Variants in GPHN observed in about 807,000 individuals in gnomAD.
GPHN encodes gephyrin.
Under a neutral mutation model 95.5 loss-of-function variants are expected in GPHN, and 17 were observed. The ratio of observed to expected loss-of-function variants is 0.18; its 90% confidence interval spans 0.12 to 0.27. GPHN has a LOEUF of 0.27. GPHN is among the 10% of genes least tolerant of loss of function. The pLI, the probability that GPHN is intolerant of heterozygous loss-of-function variation, is 1.00. For synonymous variants in GPHN, 320 were observed against 322.5 expected (o/e 0.99, Z 0.08); for missense variants, 660 against 978.1 (o/e 0.67, Z 4.34).
chr14:66,799,747 GT>G (rs1226641128), intron 3 of GPHN, among the ~76,000 whole-genome samples: 17 of 151,810 alleles, frequency 1.1e-4, no homozygotes, highest in African/African-American at 3.9e-4. Context: ...AATAGGTCTT[GT>G]TTTTCCATCC....
intron 2 of GPHN, among the ~76,000 whole-genome samples, chr14:66,765,521 A>C (rs1390728428): frequency 6.6e-6 from 1 of 152,144 alleles, no homozygotes; most frequent in Non-Finnish European, 1.5e-5. Context: ...GGAACAGAAA[A>C]CCAAATGCCG....
At chr14:67,201,689 C>T in the GPHN span, 10 of 365,778 alleles carry the variant, frequency 2.7e-5, no homozygotes, top group Non-Finnish European at 4.9e-5. Flanking sequence ...CATCCCTGAG[C>T]CATGATATTG....
the GPHN span, among the ~76,000 whole-genome samples, chr14:67,493,914 T>C: frequency 9.2e-5 from 14 of 151,498 alleles, no homozygotes; most frequent in Non-Finnish European, 1.6e-4. Flanking sequence ...TTTTTTTTAA[T>C]TGAAGGATGA....
At chr14:66,646,600 C>T (rs80059695) in intron 1 of GPHN, among the ~76,000 whole-genome samples, 3 of 151,942 alleles carry the variant, frequency 2.0e-5, no homozygotes, top group Non-Finnish European at 4.4e-5. Context: ...ATCTTGAGGG[C>T]GTTATTCTAA....
intron 16 of GPHN, among the ~76,000 whole-genome samples, chr14:67,120,601 C>T (rs1464749239): frequency 6.6e-6 from 1 of 152,056 alleles, no homozygotes; most frequent in Non-Finnish European, 1.5e-5. Context: ...TTACTTAGTT[C>T]GTGGTCAATA....
At chr14:67,466,637 G>C in the GPHN span, among the ~76,000 whole-genome samples, 2 of 152,090 alleles carry the variant, frequency 1.3e-5, no homozygotes, top group Non-Finnish European at 2.9e-5. Flanking sequence ...TCCTTTGTTC[G>C]GCACTGTACC....
chr14:67,124,223 T>A (rs2079171347), intron 17 of GPHN, among the ~76,000 whole-genome samples: 1 of 151,866 alleles, frequency 6.6e-6, no homozygotes. Flanking sequence ...CTGGCCAACA[T>A]GGTGAAACCC....
At chr14:66,574,504 A>C (rs151338421) in intron 1 of GPHN, among the ~76,000 whole-genome samples, 8 of 152,268 alleles carry the variant, frequency 5.3e-5, no homozygotes, top group Middle Eastern at 3.4e-3. Context: ...TTATATTTTC[A>C]TATGTTTACA....
the GPHN span, among the ~76,000 whole-genome samples, chr14:67,657,593 C>T: frequency 2.2e-5 from 3 of 139,122 alleles, no homozygotes; most frequent in Non-Finnish European, 3.0e-5. Context: ...AGCACGCGCG[C>T]GCGTGCACAC....
At chr14:67,366,626 T>A in the GPHN span, among the ~76,000 whole-genome samples, 1 of 152,130 alleles carries the variant, frequency 6.6e-6, no homozygotes, top group South Asian at 2.1e-4. Flanking sequence ...ATATGGAAGA[T>A]CTCCAGGATA....
the GPHN span, chr14:67,729,450 C>T: frequency 6.8e-7 from 1 of 1,475,618 alleles, no homozygotes; most frequent in Non-Finnish European, 9.3e-7. Flanking sequence ...CTGGGCTGTT[C>T]ATCCTGAGAA....
intron 4 of GPHN, among the ~76,000 whole-genome samples, chr14:66,877,152 C>T (rs113483781): frequency 0.015 from 2,297 of 152,206 alleles, 32 homozygotes; most frequent in Non-Finnish European, 0.018. Flanking sequence ...ATTATCTCAA[C>T]AGATACAGAA....
the GPHN span, among the ~76,000 whole-genome samples, chr14:67,285,418 G>GT: frequency 0.029 from 4,309 of 149,884 alleles, 81 homozygotes; most frequent in Non-Finnish European, 0.036. Flanking sequence ...CCAGGCTGGA[G>GT]TGCAGTGGCG....
At chr14:67,158,609 A>C (rs1330726730) in intron 18 of GPHN, among the ~76,000 whole-genome samples, 1 of 152,198 alleles carries the variant, frequency 6.6e-6, no homozygotes, top group African/African-American at 2.4e-5. Context: ...AAACCAAAAA[A>C]TTTAGTAATA....
the GPHN span, among the ~76,000 whole-genome samples, chr14:67,659,174 A>G: frequency 1.3e-5 from 2 of 152,230 alleles, no homozygotes; most frequent in Admixed American, 1.3e-4. Flanking sequence ...CTCACTTTCT[A>G]TTACCACAGA....
At chr14:66,579,269 C>A (rs959379488) in intron 1 of GPHN, among the ~76,000 whole-genome samples, 1 of 151,542 alleles carries the variant, frequency 6.6e-6, no homozygotes, top group African/African-American at 2.4e-5. Flanking sequence ...CAAAGGAAGA[C>A]AGGTAGAGTG....
the GPHN span, chr14:67,383,386 C>G: frequency 6.2e-7 from 1 of 1,613,546 alleles, no homozygotes; most frequent in Non-Finnish European, 8.5e-7. Flanking sequence ...GAGAAAATGC[C>G]GAAGTGGATG....
chr14:67,609,912 T>C, the GPHN span, among the ~76,000 whole-genome samples: 2 of 126,096 alleles, frequency 1.6e-5, no homozygotes, highest in African/African-American at 7.6e-5. Flanking sequence ...GCTCCTGTCC[T>C]GGAAACGCTG....
At chr14:67,176,676 A>G (rs1191632416) in intron 21 of GPHN, among the ~76,000 whole-genome samples, 2 of 152,060 alleles carry the variant, frequency 1.3e-5, no homozygotes, top group Non-Finnish European at 2.9e-5. Context: ...TGTACTTCTC[A>G]TAGAATTCGG....
Sources: allele counts gnomAD v4.1 joint callset (sites outside exome capture counted in the v4.1 genomes callset), GRCh38; gene constraint gnomAD v4.1.1; transcripts MANE v1.5; gene names NCBI Gene and HGNC (gene_info 2026-07-23, HGNC 2026-07-21).